The following MAN1A1 variants were observed in gnomAD, a reference collection of about 807,000 sequenced individuals.
The protein encoded by MAN1A1 is mannosidase alpha class 1A member 1, also known as mannosyl-oligosaccharide 1,2-alpha-mannosidase IA.
MAN1A1 carries 29 observed loss-of-function variants against 70.8 expected under a neutral mutation model. The ratio of observed to expected loss-of-function variants is 0.41; its 90% confidence interval spans 0.31 to 0.56. The LOEUF (loss-of-function observed/expected upper bound fraction) is 0.56, where lower values mean the gene tolerates loss of function less well. Among genes scored for constraint, MAN1A1 ranks in the 20% least tolerant of loss-of-function variants. The pLI, the probability that MAN1A1 is intolerant of heterozygous loss-of-function variation, is 0.29. For synonymous variants in MAN1A1, 349 were observed against 330.1 expected (o/e 1.06, Z -0.62); for missense variants, 747 against 841.3 (o/e 0.89, Z 1.39).
At chr6:119,205,533 A>C (rs966521221) in intron 6 of MAN1A1, among the ~76,000 whole-genome samples, 12 of 152,212 alleles carry the variant, frequency 7.9e-5, no homozygotes, top group Non-Finnish European at 1.3e-4. Context: ...GGAAAGGTGA[A>C]AGCCATGAGC....
intron 4 of MAN1A1, 71 bp from the exon 5 acceptor site, chr6:119,290,834 C>T (rs1362467836): frequency 6.3e-6 from 6 of 950,576 alleles, no homozygotes. Flanking sequence ...ATAAATTATA[C>T]TAAATACTTA....
At chr6:119,234,618 T>C (rs994527857) in intron 6 of MAN1A1, among the ~76,000 whole-genome samples, 4 of 152,250 alleles carry the variant, frequency 2.6e-5, no homozygotes, top group South Asian at 4.2e-4. Context: ...TCTTGCTTTG[T>C]TGCCTAGGCT....
chr6:119,340,535 C>T (rs759335166), intron 2 of MAN1A1, among the ~76,000 whole-genome samples: 45 of 152,312 alleles, frequency 3.0e-4, no homozygotes, highest in Non-Finnish European at 4.7e-4. Flanking sequence ...CTTGAGTTCA[C>T]GTCTTGGCCA....
intron 6 of MAN1A1, among the ~76,000 whole-genome samples, chr6:119,217,786 C>G (rs1253537582): frequency 1.3e-5 from 2 of 152,310 alleles, no homozygotes; most frequent in East Asian, 3.9e-4. Context: ...CTCCAACCTG[C>G]CAATCCTAGT....
At chr6:119,313,411 C>T (rs1253826654) in intron 2 of MAN1A1, among the ~76,000 whole-genome samples, 1 of 152,136 alleles carries the variant, frequency 6.6e-6, no homozygotes, top group African/African-American at 2.4e-5. Context: ...TGATAGTTTC[C>T]AATTTTACCC....
In MAN1A1 at chr6:119,302,099, G is replaced by A; in HGVS notation, c.705C>T (p.Asn235=). 6.7e-7 allele frequency: 1 copy of A among 1,492,482 alleles called. No homozygotes were observed. Among genetic ancestry groups the A allele is most frequent in the South Asian group, 1.1e-5 (1 of 87,222 alleles). The allele number at this position is 1,492,482 out of a possible 1,614,324, so 92.5% of individuals were successfully genotyped here. A position where few individuals can be genotyped will look rare whatever the true frequency, so the allele number is the denominator to read the frequency against. Reference sequence around the variant, plus strand: ...CATCTACTATAGTTGCTCCTTTGATGTTACCTGAAAAGATCAGAAAAATAT... The same window carrying A: ...CATCTACTATAGTTGCTCCTTTGATATTACCTGAAAAGATCAGAAAAATAT... ...KGGHSSSLFG[N]IKGATIVDAL... Residue 235 remains asparagine (N), a synonymous_variant, in exon 4 of 13, where the codon AAC becomes AAT. Coordinates refer to ENST00000368468, the MANE Select transcript of MAN1A1 (RefSeq NM_005907.4).
intron 5 of MAN1A1, among the ~76,000 whole-genome samples, chr6:119,277,986 T>TA (rs969778414): frequency 5.7e-5 from 7 of 122,194 alleles, no homozygotes; most frequent in South Asian, 2.5e-4. Flanking sequence ...AATAAATAAA[T>TA]AAAAAAAAAG....
At chr6:119,300,405 A>G (rs1274889148) in intron 4 of MAN1A1, among the ~76,000 whole-genome samples, 2 of 151,422 alleles carry the variant, frequency 1.3e-5, no homozygotes, top group African/African-American at 2.4e-5. Context: ...ACAGGCACAC[A>G]CCACCATGCC....
At chr6:119,303,622 T>A (rs1358167898) in intron 3 of MAN1A1, among the ~76,000 whole-genome samples, 5 of 152,200 alleles carry the variant, frequency 3.3e-5, no homozygotes, top group Non-Finnish European at 7.3e-5. Context: ...AATATGTGCT[T>A]ACTAAGAAGT....
At chr6:119,197,802 GT>G (rs75604834) in intron 8 of MAN1A1, among the ~76,000 whole-genome samples, 3 of 148,772 alleles carry the variant, frequency 2.0e-5, no homozygotes, top group East Asian at 2.0e-4. Context: ...TTTGTTTTTT[GT>G]TTTTTTTTTC....
chr6:119,181,962 T>G (rs1224784136), intron 11 of MAN1A1, among the ~76,000 whole-genome samples: 2 of 152,202 alleles, frequency 1.3e-5, no homozygotes, highest in African/African-American at 4.8e-5. Flanking sequence ...CCATACTGTT[T>G]TCCATAATGG....
Position 119,275,566 on chromosome 6 carries a change from A to G in MAN1A1, c.897+15117T>C, listed in dbSNP as rs1410534934. Among the ~76,000 whole-genome samples, 6 of 141,870 alleles carry G rather than the reference A, an allele frequency of 4.2e-5. No individual in the cohort carries two copies. The East Asian group carries it at 1.2e-3, about 28-fold the overall frequency. 93.1% of individuals were successfully genotyped at this position (141,870 alleles called of 152,430 possible). ...CGTGATCCGCCCGCCTCGGCCTCCC[A>G]AAGTGCTGGGATTACAGGCGTGAGC... On this transcript the variant is annotated intron_variant, in intron 5 of 12. Coordinates refer to ENST00000368468, the MANE Select transcript of MAN1A1 (RefSeq NM_005907.4).
rs769517792 is a variant in MAN1A1, at chr6:119,193,785, CA to C, written c.1317del (p.Asp439GlufsTer10). On this transcript the variant is annotated frameshift_variant, in exon 9 of 13. Transcript: ENST00000368468. LOFTEE classifies it high-confidence loss of function. Reference protein sequence around the residue: ...TDLEAKKMYFDAVQAIETHLI... With the variant: ...TDLEAKKMYFXAVQAIETHLI... ...TTTAAATATTGGGTTACCTGAACAG[CA>C]TCAAAATACATCTTCTTAGCTTCCA... is the stretch of plus-strand genomic sequence containing the variant. 2 of 1,611,164 alleles carry C rather than the reference CA, an allele frequency of 1.2e-6. No homozygotes were observed. Among genetic ancestry groups the C allele is most frequent in the Admixed American group, 3.3e-5 (2 of 59,900 alleles).
intron 2 of MAN1A1, among the ~76,000 whole-genome samples, chr6:119,337,337 C>T (rs796082406): frequency 8.0e-4 from 121 of 152,140 alleles, no homozygotes; most frequent in African/African-American, 2.8e-3. Flanking sequence ...CAAAGATGAG[C>T]GGACACCACT....
At chr6:119,340,140 T>C (rs565530336) in intron 2 of MAN1A1, among the ~76,000 whole-genome samples, 1 of 152,202 alleles carries the variant, frequency 6.6e-6, no homozygotes, top group South Asian at 2.1e-4. Context: ...TGGTGGTGAA[T>C]TTCTGGCAGC....
chr6:119,240,571 T>C (rs1199835707), intron 6 of MAN1A1, among the ~76,000 whole-genome samples: 1 of 152,036 alleles, frequency 6.6e-6, no homozygotes, highest in African/African-American at 2.4e-5. Flanking sequence ...AAAAAACCCA[T>C]TTACCTGAGT....
At chr6:119,242,593 A>T (rs12198423) in intron 6 of MAN1A1, among the ~76,000 whole-genome samples, 48,994 of 152,018 alleles carry the variant, frequency 0.32, 8,363 homozygotes, top group Non-Finnish European at 0.35. Context: ...ATTCATATAT[A>T]CTCTTTCATA....
At chr6:119,264,932 A>C (rs1775710267) in intron 5 of MAN1A1, among the ~76,000 whole-genome samples, 1 of 152,156 alleles carries the variant, frequency 6.6e-6, no homozygotes, top group Non-Finnish European at 1.5e-5. Context: ...TAAGAAATGA[A>C]AACACCTTTC....
intron 2 of MAN1A1, among the ~76,000 whole-genome samples, chr6:119,331,383 CT>C (rs1454927610): frequency 1.1e-4 from 17 of 151,770 alleles, no homozygotes. Context: ...GTATCCTAAA[CT>C]TTAGGAGTCA....
Sources: gnomAD v4.1 joint callset for allele counts (sites outside exome capture counted in the v4.1 genomes callset) on GRCh38, gnomAD v4.1.1 for gene constraint, MANE v1.5 for transcripts, NCBI Gene and HGNC (gene_info 2026-07-23, HGNC 2026-07-21) for gene names.